Variants in SNTG1 observed in about 807,000 individuals in gnomAD.
SNTG1 encodes syntrophin gamma 1, also known as gamma-1-syntrophin.
SNTG1 carries 39 observed loss-of-function variants against 74.7 expected under a neutral mutation model. The observed-to-expected ratio is 0.52, with a 90% CI of 0.40 to 0.68. The LOEUF (loss-of-function observed/expected upper bound fraction) is 0.68, where lower values mean the gene tolerates loss of function less well. Among genes scored for constraint, SNTG1 ranks in the 30% least tolerant of loss-of-function variants. SNTG1 has a pLI of 0.00. For missense variants in SNTG1, 685 were observed against 609.5 expected, an observed-to-expected ratio of 1.12 and a Z score of -1.30; for synonymous variants, 254 against 217.1, an observed-to-expected ratio of 1.17 and a Z score of -1.49.
At chr8:50,421,022 T>TAAA (rs536585946) in intron 4 of SNTG1, among the ~76,000 whole-genome samples, 5 of 39,626 alleles carry the variant, frequency 1.3e-4, no homozygotes, top group Non-Finnish European at 1.7e-4. Context: ...AGACTCCACT[T>TAAA]AAAAAAAAAA....
chr8:49,938,647 CCTCT>C (rs148513656), intron 1 of SNTG1, among the ~76,000 whole-genome samples: 6 of 110,738 alleles, frequency 5.4e-5, no homozygotes, highest in African/African-American at 1.7e-4. Flanking sequence ...TTCTTTCCTT[CCTCT>C]CTCTCTCTCT....
At chr8:49,915,326 TATAA>T (rs1805930856) in intron 1 of SNTG1, among the ~76,000 whole-genome samples, 1 of 152,268 alleles carries the variant, frequency 6.6e-6, no homozygotes, top group South Asian at 2.1e-4. Flanking sequence ...TGTGAGTTAT[TATAA>T]ATAATTTCCA....
chr8:50,669,475 C>A (rs1470821567), intron 15 of SNTG1, among the ~76,000 whole-genome samples: 1 of 152,138 alleles, frequency 6.6e-6, no homozygotes, highest in Non-Finnish European at 1.5e-5. Context: ...CATACACCAT[C>A]CCAAGACTAA....
chr8:50,419,746 T>C (rs2093058064), intron 4 of SNTG1, among the ~76,000 whole-genome samples: 1 of 152,132 alleles, frequency 6.6e-6, no homozygotes, highest in African/African-American at 2.4e-5. Flanking sequence ...ATTAGAATTA[T>C]ATAATATGAA....
At chr8:50,672,157 C>T (rs1236369899) in intron 15 of SNTG1, among the ~76,000 whole-genome samples, 1 of 151,350 alleles carries the variant, frequency 6.6e-6, no homozygotes, top group Non-Finnish European at 1.5e-5. Flanking sequence ...AACTAACCTG[C>T]ACATTGTGCA....
intron 2 of SNTG1, among the ~76,000 whole-genome samples, chr8:50,392,741 G>A (rs1383134168): frequency 6.6e-6 from 1 of 152,148 alleles, no homozygotes; most frequent in Admixed American, 6.5e-5. Context: ...GATTAGAATT[G>A]AAAAAAGGAA....
chr8:50,528,640 A>AT (rs535242849), intron 9 of SNTG1, among the ~76,000 whole-genome samples: 148 of 151,322 alleles, frequency 9.8e-4, no homozygotes, highest in African/African-American at 3.1e-3. Context: ...TTTTGGTTAG[A>AT]TTTTTTTTAA....
chr8:50,193,271 C>T (rs755533410), intron 2 of SNTG1, among the ~76,000 whole-genome samples: 2 of 152,064 alleles, frequency 1.3e-5, no homozygotes, highest in South Asian at 4.2e-4. Context: ...TTGTTTCTAC[C>T]TATCCATGAG....
At chr8:50,520,124 A>G (rs1450623841) in intron 9 of SNTG1, among the ~76,000 whole-genome samples, 1 of 152,226 alleles carries the variant, frequency 6.6e-6, no homozygotes, top group Non-Finnish European at 1.5e-5. Flanking sequence ...CTGAGGCCTT[A>G]GAAATAATGC....
chr8:50,544,461 T>A (rs2094371476), intron 11 of SNTG1, among the ~76,000 whole-genome samples: 1 of 152,054 alleles, frequency 6.6e-6, no homozygotes, highest in Non-Finnish European at 1.5e-5. Flanking sequence ...CCTTAAGAGC[T>A]CTGTTAATAT....
intron 1 of SNTG1, among the ~76,000 whole-genome samples, chr8:49,994,898 A>G (rs1224085259): frequency 6.6e-6 from 1 of 152,164 alleles, no homozygotes; most frequent in Non-Finnish European, 1.5e-5. Context: ...GTAGTAAAGG[A>G]CACTTTATTA....
At chr8:50,692,851 G>A (rs867778877) in intron 15 of SNTG1, among the ~76,000 whole-genome samples, 4 of 152,350 alleles carry the variant, frequency 2.6e-5, no homozygotes, top group Admixed American at 1.3e-4. Context: ...CCCCAGAGGC[G>A]GAGCCTACAG....
intron 17 of SNTG1, among the ~76,000 whole-genome samples, chr8:50,727,447 A>C (rs2095502854): frequency 6.6e-6 from 1 of 152,178 alleles, no homozygotes; most frequent in Non-Finnish European, 1.5e-5. Flanking sequence ...CTCCCAACAG[A>C]TGTGAGCAGA....
At chr8:49,997,218 G>A (rs1445722916) in intron 1 of SNTG1, among the ~76,000 whole-genome samples, 1 of 151,968 alleles carries the variant, frequency 6.6e-6, no homozygotes, top group Non-Finnish European at 1.5e-5. Flanking sequence ...ATTGTCTTGG[G>A]TCTATCCAAA....
At chr8:50,543,144 T>C (rs1429874546) in intron 11 of SNTG1, among the ~76,000 whole-genome samples, 1 of 152,228 alleles carries the variant, frequency 6.6e-6, no homozygotes, top group African/African-American at 2.4e-5. Flanking sequence ...ACAGAAAACA[T>C]CTTAGCCCAG....
chr8:50,536,809 G>T lies in SNTG1; in HGVS notation c.680+1G>T. On this transcript the variant is annotated splice_donor_variant, in intron 11 of 18. Transcript: ENST00000642720. LOFTEE classifies it high-confidence loss of function. ...ATGTGCCCGGCACAGATTTGAGTCG[G>T]TGAGTCCGTGTTTAGGAGTTATGAC... is the stretch of plus-strand genomic sequence containing the variant. 1.9e-6 allele frequency: 3 copies of T among 1,613,724 alleles called. No homozygotes were observed. Among genetic ancestry groups the T allele is most frequent in the Non-Finnish European group, 2.5e-6 (3 of 1,179,716 alleles).
chr8:50,271,769 C>T (rs568421234), intron 2 of SNTG1, among the ~76,000 whole-genome samples: 1 of 152,216 alleles, frequency 6.6e-6, no homozygotes, highest in Non-Finnish European at 1.5e-5. Flanking sequence ...TCTGGGAATG[C>T]TTTTGTTTAA....
chr8:50,155,401 A>G (rs2082221413), intron 1 of SNTG1, among the ~76,000 whole-genome samples: 1 of 152,200 alleles, frequency 6.6e-6, no homozygotes, highest in South Asian at 2.1e-4. Flanking sequence ...CAACAATTCA[A>G]AAATTAGCTA....
rs368903520 is a variant in SNTG1 at position 49,978,246 on chromosome 8, G to GGA, written c.-103+66032_-103+66033dup. ...GAAATAGAGAGAGCGGGGGAGAGAG[G>GGA]GAGAGAGAGAGAGAGAGACAGAAGG... On this transcript the variant is annotated intron_variant, in intron 1 of 18. Transcript: ENST00000642720. Among the ~76,000 whole-genome samples, 396 of 150,258 alleles carry GGA rather than the reference G, an allele frequency of 2.6e-3. 8 individuals carry two copies. The highest frequency in any genetic ancestry group is 1.4e-3 in the Non-Finnish European group (92 of 67,352).
Sources: gnomAD v4.1 joint callset for allele counts (sites outside exome capture counted in the v4.1 genomes callset) on GRCh38, gnomAD v4.1.1 for gene constraint, MANE v1.5 for transcripts, NCBI Gene and HGNC (gene_info 2026-07-23, HGNC 2026-07-21) for gene names.